Variants in PALM2AKAP2 observed in about 807,000 individuals in gnomAD.
The protein encoded by PALM2AKAP2 is PALM2 and AKAP2 fusion, also known as PALM2-AKAP2 fusion protein.
PALM2AKAP2 carries 37 observed loss-of-function variants against 71.5 expected under a neutral mutation model. That is an observed-to-expected ratio of 0.52 (90% confidence interval 0.40 to 0.68). The LOEUF is 0.68. PALM2AKAP2 is among the 30% of genes least tolerant of loss of function. PALM2AKAP2 has a pLI of 0.00. For missense variants in PALM2AKAP2, 1,224 were observed against 1,191.8 expected, an observed-to-expected ratio of 1.03 and a Z score of -0.40; for synonymous variants, 468 against 478.8, an observed-to-expected ratio of 0.98 and a Z score of 0.29.
chr9:110,078,768 A>G (rs1395887021), intron 1 of PALM2AKAP2, among the ~76,000 whole-genome samples: 2 of 152,244 alleles, frequency 1.3e-5, no homozygotes, highest in Non-Finnish European at 2.9e-5. Context: ...TTGTTCTTTA[A>G]AAGTAAACAA....
chr9:109,828,048 A>G (rs907675827), intron 1 of PALM2AKAP2, among the ~76,000 whole-genome samples: 10 of 152,106 alleles, frequency 6.6e-5, no homozygotes, highest in African/African-American at 9.7e-5. Context: ...TACTTTATAT[A>G]TGTCACTTCC....
intron 1 of PALM2AKAP2, among the ~76,000 whole-genome samples, chr9:110,131,907 CAAG>C (rs1835742519): frequency 6.6e-6 from 1 of 152,102 alleles, no homozygotes; most frequent in Non-Finnish European, 1.5e-5. Context: ...ATATAGCTCA[CAAG>C]AAGGAGGGCC....
At chr9:110,113,783 T>A (rs900997183) in intron 1 of PALM2AKAP2, among the ~76,000 whole-genome samples, 3 of 152,146 alleles carry the variant, frequency 2.0e-5, no homozygotes, top group African/African-American at 7.2e-5. Flanking sequence ...TCCACCTGCC[T>A]CGGCCTCCCA....
At chr9:109,671,539 T>C (rs1827572786) in intron 1 of PALM2AKAP2, among the ~76,000 whole-genome samples, 1 of 152,206 alleles carries the variant, frequency 6.6e-6, no homozygotes, top group Non-Finnish European at 1.5e-5. Context: ...GGTAGTGTGA[T>C]GCCTACAGCT....
intron 7 of PALM2AKAP2, among the ~76,000 whole-genome samples, chr9:110,017,614 T>G (rs746314692): frequency 6.6e-6 from 1 of 152,098 alleles, no homozygotes; most frequent in East Asian, 1.9e-4. Flanking sequence ...TTGAGAAGAG[T>G]TGCTAGTGGG....
chr9:110,017,939 G>T (rs1289760629), intron 7 of PALM2AKAP2, among the ~76,000 whole-genome samples: 1 of 151,950 alleles, frequency 6.6e-6, no homozygotes, highest in South Asian at 2.1e-4. Flanking sequence ...TGTTGGCCAG[G>T]TTGGTCTCCA....
chr9:109,698,323 C>T (rs915663739), intron 1 of PALM2AKAP2, among the ~76,000 whole-genome samples: 6 of 147,616 alleles, frequency 4.1e-5, no homozygotes, highest in African/African-American at 1.3e-4. Context: ...TGTCACCCAG[C>T]CTGGAGTGCA....
chr9:109,762,919 G>A (rs1202156126), intron 1 of PALM2AKAP2, among the ~76,000 whole-genome samples: 2 of 152,124 alleles, frequency 1.3e-5, no homozygotes, highest in African/African-American at 2.4e-5. Context: ...GTAAACATTA[G>A]GATTTTAGGG....
chr9:110,049,039 G>A (rs1168452063), intron 1 of PALM2AKAP2, among the ~76,000 whole-genome samples: 3 of 152,226 alleles, frequency 2.0e-5, no homozygotes, highest in Non-Finnish European at 2.9e-5. Context: ...GGCCCGGGTG[G>A]AGGGGCTGTG....
chr9:110,116,502 T>C (rs992989252), intron 1 of PALM2AKAP2, among the ~76,000 whole-genome samples: 2 of 151,682 alleles, frequency 1.3e-5, no homozygotes, highest in Non-Finnish European at 2.9e-5. Context: ...AAAAAATGAC[T>C]ATTGCTTAGA....
chr9:110,078,096 T>C (rs1834362995), intron 1 of PALM2AKAP2, among the ~76,000 whole-genome samples: 1 of 152,196 alleles, frequency 6.6e-6, no homozygotes, highest in Non-Finnish European at 1.5e-5. Flanking sequence ...TTCTCAACTT[T>C]GCTGCTCAAA....
upstream of PALM2AKAP2, among the ~76,000 whole-genome samples, chr9:109,779,270 C>A (rs2118785524): frequency 6.6e-6 from 1 of 152,262 alleles, no homozygotes; most frequent in Admixed American, 6.5e-5. Context: ...TGATCCACTT[C>A]TTACATCCAG....
upstream of PALM2AKAP2, among the ~76,000 whole-genome samples, chr9:109,779,700 C>T (rs962384830): frequency 4.6e-5 from 7 of 152,222 alleles, no homozygotes; most frequent in African/African-American, 1.7e-4. Flanking sequence ...ACCCTACCCT[C>T]GGCCGACTTG....
chr9:109,933,522 A>G (rs1831156334), intron 6 of PALM2AKAP2, among the ~76,000 whole-genome samples: 1 of 152,216 alleles, frequency 6.6e-6, no homozygotes, highest in Admixed American at 6.5e-5. Flanking sequence ...AAGAGACAGA[A>G]AAAGAATTTG....
exon 7 of PALM2AKAP2, chr9:110,015,979 A>G (rs1318869420): frequency 6.2e-7 from 1 of 1,613,860 alleles, no homozygotes. Context: ...ATGTGCTGCT[A>G]AAGGAAGGTG....
intron 1 of PALM2AKAP2, among the ~76,000 whole-genome samples, chr9:110,116,395 TGTGTGC>T (rs576977882): frequency 0.01 from 1,538 of 152,186 alleles, 6 homozygotes; most frequent in Middle Eastern, 0.027. Flanking sequence ...TGTGCGCATG[TGTGTGC>T]GTGTGCGTGT....
chr9:109,785,919 G>A (rs1826949862), intron 1 of PALM2AKAP2, among the ~76,000 whole-genome samples: 1 of 152,224 alleles, frequency 6.6e-6, no homozygotes, highest in Admixed American at 6.5e-5. Context: ...GAGCTTGGAT[G>A]TGTCTCTATG....
chr9:110,054,025 G>A (rs892197700), intron 1 of PALM2AKAP2, among the ~76,000 whole-genome samples: 1 of 152,258 alleles, frequency 6.6e-6, no homozygotes. Context: ...CATGGCCAAA[G>A]CACCCTAGTG....
At chr9:109,845,017 T>C (rs2131602109) in intron 1 of PALM2AKAP2, among the ~76,000 whole-genome samples, 1 of 151,974 alleles carries the variant, frequency 6.6e-6, no homozygotes, top group East Asian at 2.0e-4. Context: ...CAGGAAGTCA[T>C]TCGTGAAGAT....
Sources: gnomAD v4.1 joint callset for allele counts (sites outside exome capture counted in the v4.1 genomes callset) on GRCh38, gnomAD v4.1.1 for gene constraint, MANE v1.5 for transcripts, NCBI Gene and HGNC (gene_info 2026-07-23, HGNC 2026-07-21) for gene names.